INPP4B: variants seen among roughly 807,000 people sequenced by gnomAD.
INPP4B encodes inositol polyphosphate-4-phosphatase type II B.
INPP4B carries 55 observed loss-of-function variants against 122.5 expected under a neutral mutation model. That is an observed-to-expected ratio of 0.45 (90% CI 0.36 to 0.56). INPP4B has a LOEUF of 0.56. Among genes scored for constraint, INPP4B ranks in the 20% least tolerant of loss-of-function variants. INPP4B has a pLI of 0.00. For synonymous variants in INPP4B, 403 were observed against 388.7 expected (o/e 1.04, Z -0.43); for missense variants, 1,000 against 1,097.7 (o/e 0.91, Z 1.26).
intron 11 of INPP4B, among the ~76,000 whole-genome samples, chr4:142,256,376 G>C (rs933421115): frequency 2.0e-5 from 3 of 151,808 alleles, no homozygotes; most frequent in Admixed American, 6.6e-5. Flanking sequence ...GAAGGAAATA[G>C]AGACACAAAA....
At chr4:142,145,346 A>T (rs887331120) in intron 18 of INPP4B, among the ~76,000 whole-genome samples, 1 of 152,128 alleles carries the variant, frequency 6.6e-6, no homozygotes, top group African/African-American at 2.4e-5. Context: ...ATATGCTAAC[A>T]TATTCCTTAT....
At chr4:142,559,111 C>A (rs1305950049) in intron 2 of INPP4B, among the ~76,000 whole-genome samples, 25 of 152,188 alleles carry the variant, frequency 1.6e-4, no homozygotes, top group Admixed American at 1.6e-3. Context: ...ATTTTTGCAA[C>A]TGTGTCAGTT....
chr4:142,248,732 CTCTT>C (rs1265734168), intron 11 of INPP4B, among the ~76,000 whole-genome samples: 1 of 151,952 alleles, frequency 6.6e-6, no homozygotes, highest in Non-Finnish European at 1.5e-5. Context: ...GAAATCAACT[CTCTT>C]GCTTGGTTCT....
chr4:142,649,424 C>T (rs187411697), intron 2 of INPP4B, among the ~76,000 whole-genome samples: 56 of 152,170 alleles, frequency 3.7e-4, no homozygotes, highest in African/African-American at 1.1e-3. Flanking sequence ...CAAACTTCTC[C>T]GAGCTAAAGA....
intron 5 of INPP4B, among the ~76,000 whole-genome samples, chr4:142,410,394 A>G (rs1200365247): frequency 1.3e-5 from 2 of 152,100 alleles, no homozygotes; most frequent in Non-Finnish European, 1.5e-5. Flanking sequence ...CTCTTGCCTC[A>G]CTCTTACTTC....
At chr4:142,104,819 TATA>T (rs1474839566) in intron 23 of INPP4B, among the ~76,000 whole-genome samples, 5 of 152,306 alleles carry the variant, frequency 3.3e-5, no homozygotes, top group African/African-American at 1.2e-4. Context: ...CTAGATTACT[TATA>T]ATACTTCATG....
chr4:142,191,917 A>T (rs917002257), intron 15 of INPP4B, among the ~76,000 whole-genome samples: 4 of 152,178 alleles, frequency 2.6e-5, no homozygotes, highest in African/African-American at 9.6e-5. Flanking sequence ...GGTAGTTTAT[A>T]TATTTGTATA....
rs1204658085 is a variant in INPP4B, at chr4:142,034,144, C to T, written c.2643-5230G>A. 4.6e-5 allele frequency among the ~76,000 whole-genome samples: 7 copies of T among 152,212 alleles called. 1 individual carries two copies. Among genetic ancestry groups the T allele is most frequent in the African/African-American group, 1.7e-4 (7 of 41,456 alleles). ...TAGCATGAGACTCTCTCTATATGTA[C>T]ATATAAATATATCAACTATAACCTA... is the stretch of plus-strand genomic sequence containing the variant. On this transcript the variant is annotated intron_variant, in intron 25 of 25. Coordinates refer to ENST00000262992, the MANE Select transcript of INPP4B (RefSeq NM_001101669.3).
chr4:142,698,147 G>C (rs545349116), intron 2 of INPP4B, among the ~76,000 whole-genome samples: 55 of 151,842 alleles, frequency 3.6e-4, no homozygotes, highest in Admixed American at 1.1e-3. Context: ...ACAGCTATAG[G>C]GCTACTGTTA....
chr4:142,053,317 T>C (rs1755659517), intron 25 of INPP4B, among the ~76,000 whole-genome samples: 1 of 152,098 alleles, frequency 6.6e-6, no homozygotes, highest in Admixed American at 6.6e-5. Context: ...AATATGAATT[T>C]GGAAAGCTAA....
chr4:142,240,201 T>C (rs1036415949), intron 11 of INPP4B, among the ~76,000 whole-genome samples: 1 of 151,702 alleles, frequency 6.6e-6, no homozygotes, highest in Non-Finnish European at 1.5e-5. Context: ...GTTTTTTTTT[T>C]CTTTTCTTTT....
chr4:142,138,391 TGGGGGGA>T (rs1457777467), intron 18 of INPP4B, among the ~76,000 whole-genome samples: 1 of 57,862 alleles, frequency 1.7e-5, no homozygotes, highest in Non-Finnish European at 3.1e-5. Flanking sequence ...TGTTGTGGGG[TGGGGGGA>T]GGGGGGAGGG....
intron 17 of INPP4B, among the ~76,000 whole-genome samples, chr4:142,154,188 C>T (rs1463159299): frequency 2.6e-5 from 4 of 151,766 alleles, no homozygotes; most frequent in Non-Finnish European, 5.9e-5. Flanking sequence ...CCATACAACC[C>T]TATTATGTGT....
At chr4:142,217,664 C>A (rs1050942914) in intron 12 of INPP4B, among the ~76,000 whole-genome samples, 1 of 152,148 alleles carries the variant, frequency 6.6e-6, no homozygotes, top group African/African-American at 2.4e-5. Context: ...CTTGGTTGGA[C>A]CACAGGGTGC....
At chr4:142,409,965 T>C (rs892827986) in intron 5 of INPP4B, among the ~76,000 whole-genome samples, 7 of 152,228 alleles carry the variant, frequency 4.6e-5, no homozygotes, top group Non-Finnish European at 5.9e-5. Context: ...AAATCAAAGA[T>C]ACTGTCTATA....
At chr4:142,793,941 T>C (rs1776884638) in intron 1 of INPP4B, among the ~76,000 whole-genome samples, 1 of 152,184 alleles carries the variant, frequency 6.6e-6, no homozygotes, top group South Asian at 2.1e-4. Flanking sequence ...ACCATATTCA[T>C]ATATTGGAAA....
At chr4:142,769,469 C>T (rs1283037189) in intron 1 of INPP4B, among the ~76,000 whole-genome samples, 1 of 152,142 alleles carries the variant, frequency 6.6e-6, no homozygotes, top group Non-Finnish European at 1.5e-5. Context: ...TTTAACTCCG[C>T]TAATTTACTA....
In INPP4B at chr4:142,256,880, A is replaced by C. The variant is rs374982812; in HGVS notation, c.688+3612T>G. 2.6e-5 allele frequency among the ~76,000 whole-genome samples: 4 copies of C among 152,240 alleles called. No individual in the cohort carries two copies. The East Asian group carries it at 5.8e-4, about 22-fold the overall frequency. Reference sequence around the variant, plus strand: ...TGAGGCCAGCATCATCCTGATACCAAAGCTGGGCAGAGACACAACCAAAAA... The same window carrying C: ...TGAGGCCAGCATCATCCTGATACCACAGCTGGGCAGAGACACAACCAAAAA... On this transcript the variant is annotated intron_variant, in intron 11 of 25. Transcript: ENST00000262992.
rs988133186 is a variant in INPP4B at position 142,047,588 on chromosome 4, T to A, written c.2643-18674A>T. ...TACTCCATGGGGTGTAGAGTAGAGA[T>A]TATGTGCAGAACAATTAGATTAATG... is the stretch of plus-strand genomic sequence containing the variant. On this transcript the variant is annotated intron_variant, in intron 25 of 25. Transcript: ENST00000262992. 2.0e-5 allele frequency among the ~76,000 whole-genome samples: 3 copies of A among 152,072 alleles called. 1 individual carries two copies. In the South Asian group the frequency reaches 6.2e-4, roughly 32 times the overall value.
Sources: gnomAD v4.1 joint callset for allele counts (sites outside exome capture counted in the v4.1 genomes callset) on GRCh38, gnomAD v4.1.1 for gene constraint, MANE v1.5 for transcripts, NCBI Gene and HGNC (gene_info 2026-07-23, HGNC 2026-07-21) for gene names.